PAH: variants seen among roughly 807,000 people sequenced by gnomAD.
PAH encodes the protein phenylalanine hydroxylase, also known as phenylalanine-4-hydroxylase.
A neutral mutation model predicts 62.0 loss-of-function variants in PAH; 64 were observed. The observed-to-expected ratio is 1.03, with a 90% CI of 0.84 to 1.27. The LOEUF is 1.27. Among genes scored for constraint, PAH ranks in the 50% most tolerant of loss-of-function variants. PAH has a pLI of 0.00. For missense variants in PAH, 579 were observed against 542.8 expected (o/e 1.07, Z -0.66); for synonymous variants, 195 against 196.2 (o/e 0.99, Z 0.05).
At chr12:102,926,962 T>A (rs75267839) in intron 1 of PAH, among the ~76,000 whole-genome samples, 1 of 145,732 alleles carries the variant, frequency 6.9e-6, no homozygotes, top group South Asian at 2.2e-4. Flanking sequence ...CACTGTTTGT[T>A]TGGGTGGGTG....
At chr12:102,911,520 G>A (rs1487579767) in intron 2 of PAH, among the ~76,000 whole-genome samples, 1 of 151,982 alleles carries the variant, frequency 6.6e-6, no homozygotes, top group Non-Finnish European at 1.5e-5. Context: ...GAAAAATGGG[G>A]GCAGAAATAG....
rs976058660 is a variant in PAH at position 102,923,020 on chromosome 12, T to C, written c.-95-5795A>G. On this transcript the variant is annotated intron_variant, in intron 1 of 3. Coordinates refer to the PAH transcript ENST00000546844. ...CAACAAAATATAAGAATGTCCACTTTCCCTATAGTTTTCAACCCAATGTGA... is the reference window on the plus strand; with the variant it reads ...CAACAAAATATAAGAATGTCCACTTCCCCTATAGTTTTCAACCCAATGTGA... 3.3e-5 allele frequency among the ~76,000 whole-genome samples: 5 copies of C among 152,326 alleles called. No homozygotes were observed. In the East Asian group the frequency reaches 9.6e-4, roughly 29 times the overall value.
At chr12:102,893,387 C>A (rs750703784) in intron 3 of PAH, among the ~76,000 whole-genome samples, 2 of 151,038 alleles carry the variant, frequency 1.3e-5, no homozygotes, top group Non-Finnish European at 2.9e-5. Flanking sequence ...GCAACAAGAA[C>A]GAAATTCTGT....
At chr12:102,848,646 G>A (rs1874994737) in intron 8 of PAH, among the ~76,000 whole-genome samples, 1 of 150,798 alleles carries the variant, frequency 6.6e-6, no homozygotes, top group Non-Finnish European at 1.5e-5. Context: ...GAGGTAGAGG[G>A]TAAACAGGAC....
At chr12:102,855,090 C>T (rs1156928257) in intron 6 of PAH, 46 bp downstream of exon 6, 4 of 1,507,484 alleles carry the variant, frequency 2.7e-6, no homozygotes, top group South Asian at 1.1e-5. Flanking sequence ...CTGCCTCAAT[C>T]CTCCCCCAAC....
At chr12:102,875,211 G>A (rs1227159856) in intron 4 of PAH, among the ~76,000 whole-genome samples, 1 of 152,194 alleles carries the variant, frequency 6.6e-6, no homozygotes, top group Non-Finnish European at 1.5e-5. Context: ...TCATAACATT[G>A]AGAGGGCAGG....
chr12:102,842,542 A>G (rs945439823), intron 11 of PAH, among the ~76,000 whole-genome samples: 1 of 152,208 alleles, frequency 6.6e-6, no homozygotes, highest in Non-Finnish European at 1.5e-5. Context: ...TTGTCCCACA[A>G]TCTTACCTTG....
chr12:102,876,678 T>C (rs1186850856), intron 4 of PAH, among the ~76,000 whole-genome samples: 1 of 152,180 alleles, frequency 6.6e-6, no homozygotes, highest in Non-Finnish European at 1.5e-5. Context: ...TTCCCACCGA[T>C]GGAGGCTGTG....
intron 1 of PAH, among the ~76,000 whole-genome samples, chr12:102,929,289 T>A (rs937666761): frequency 3.3e-5 from 5 of 152,214 alleles, no homozygotes; most frequent in Non-Finnish European, 5.9e-5. Flanking sequence ...AAATTTGTAA[T>A]CTTAACAAGT....
At chr12:102,876,669 TC>T (rs1213490302) in intron 4 of PAH, among the ~76,000 whole-genome samples, 3 of 152,092 alleles carry the variant, frequency 2.0e-5, no homozygotes, top group African/African-American at 7.2e-5. Flanking sequence ...CGGTGGCCCT[TC>T]CCACCGATGG....
At position 102,838,396 on chromosome 12, in the gene PAH, G is replaced by A. The variant is rs900974147; in HGVS notation, c.*779C>T. 1 of 152,070 alleles carries A rather than the reference G, an allele frequency of 6.6e-6. No individual in the cohort carries two copies. The highest frequency in any genetic ancestry group is 6.5e-5 in the Admixed American group (1 of 15,270). 9.4% of individuals were successfully genotyped at this position (152,070 alleles called of 1,614,324 possible). A position where few individuals can be genotyped will look rare whatever the true frequency, so the allele number is the denominator to read the frequency against. ...TTATACAGATTTGCTTTTCAATAAT[G>A]TATTTACTTATTTATTCAGTGAACA... On this transcript the variant is annotated 3_prime_UTR_variant, in exon 13 of 13. Coordinates refer to ENST00000553106, the MANE Select transcript of PAH (RefSeq NM_000277.3).
chr12:102,849,812 C>T (rs1436071547), intron 8 of PAH, among the ~76,000 whole-genome samples: 1 of 152,180 alleles, frequency 6.6e-6, no homozygotes, highest in Non-Finnish European at 1.5e-5. Flanking sequence ...GCTCCAGCCC[C>T]ACTCCATCCT....
intron 6 of PAH, among the ~76,000 whole-genome samples, chr12:102,854,422 CAGAA>C (rs1202999063): frequency 1.3e-5 from 2 of 152,222 alleles, no homozygotes; most frequent in African/African-American, 4.8e-5. Flanking sequence ...ATCCTCTTGA[CAGAA>C]AGAGTAACAC....
intron 12 of PAH, among the ~76,000 whole-genome samples, chr12:102,839,781 A>T (rs1874507432): frequency 3.3e-5 from 5 of 152,250 alleles, no homozygotes; most frequent in Admixed American, 3.3e-4. Flanking sequence ...GCAGCCTTCC[A>T]TTTATGCTAT....
At chr12:102,948,814 T>G (rs1484790470) in intron 1 of PAH, among the ~76,000 whole-genome samples, 2 of 152,176 alleles carry the variant, frequency 1.3e-5, no homozygotes, top group African/African-American at 4.8e-5. Flanking sequence ...AGATTCTGAT[T>G]TGGTGGGTCT....
Position 102,841,274 on chromosome 12 carries a change from G to A in PAH, c.1200-759C>T, listed in dbSNP as rs539553502. On this transcript the variant is annotated intron_variant, in intron 11 of 12. Coordinates refer to ENST00000553106, the MANE Select transcript of PAH (RefSeq NM_000277.3). Reference sequence around the variant, plus strand: ...AATCCACCATGAGGGCCTCTATGAGGGACATCATGCAATACCATTAACAAG... The same window carrying A: ...AATCCACCATGAGGGCCTCTATGAGAGACATCATGCAATACCATTAACAAG... Among the ~76,000 whole-genome samples, 5 of 152,248 alleles carry A rather than the reference G, an allele frequency of 3.3e-5. No homozygotes were observed. In the South Asian group the frequency reaches 1.0e-3, roughly 32 times the overall value.
chr12:102,887,646 C>A (rs1877097904), intron 3 of PAH, among the ~76,000 whole-genome samples: 1 of 152,136 alleles, frequency 6.6e-6, no homozygotes, highest in South Asian at 2.1e-4. Flanking sequence ...ATCTTTCAAG[C>A]ACCCTTATGC....
intron 1 of PAH, among the ~76,000 whole-genome samples, chr12:102,913,501 A>T (rs778424705): frequency 3.3e-5 from 5 of 152,214 alleles, no homozygotes; most frequent in Admixed American, 3.3e-4. Flanking sequence ...CATCCGTGAA[A>T]GCATGCTAAT....
At chr12:102,928,191 T>C (rs1357060919) in intron 1 of PAH, among the ~76,000 whole-genome samples, 2 of 152,198 alleles carry the variant, frequency 1.3e-5, no homozygotes, top group Non-Finnish European at 2.9e-5. Flanking sequence ...TAGTTGTATA[T>C]ATTTGTGGGG....
Sources: allele counts gnomAD v4.1 joint callset (sites outside exome capture counted in the v4.1 genomes callset), GRCh38; gene constraint gnomAD v4.1.1; transcripts MANE v1.5; gene names NCBI Gene and HGNC (gene_info 2026-07-23, HGNC 2026-07-21).